Variants in PKIB observed in about 807,000 individuals in gnomAD.
The protein encoded by PKIB is PKI-beta.
In PKIB, 2 loss-of-function variants were observed where a neutral mutation model predicts 4.5. The observed-to-expected ratio is 0.44, with a 90% CI of 0.18 to 1.39. The LOEUF (loss-of-function observed/expected upper bound fraction) is 1.39, where lower values mean the gene tolerates loss of function less well. PKIB is among the 40% of genes most tolerant of loss of function. The probability of loss-of-function intolerance (pLI) is 0.27; values close to 1 mark genes in which losing one functional copy is unlikely to be tolerated. For synonymous variants in PKIB, 38 were observed against 36.0 expected (o/e 1.06, Z -0.20); for missense variants, 94 against 92.6 (o/e 1.02, Z -0.06).
At chr6:122,491,316 G>A (rs1325026518) in intron 2 of PKIB, among the ~76,000 whole-genome samples, 1 of 152,146 alleles carries the variant, frequency 6.6e-6, no homozygotes. Flanking sequence ...GCTTCTGGAA[G>A]GTCATATACC....
At chr6:122,710,085 T>C (rs1000329785) in intron 3 of PKIB, among the ~76,000 whole-genome samples, 1 of 152,170 alleles carries the variant, frequency 6.6e-6, no homozygotes, top group African/African-American at 2.4e-5. Context: ...TCATAATCGA[T>C]AGGTATCAGC....
At chr6:122,686,609 C>A (rs6569268) in intron 3 of PKIB, among the ~76,000 whole-genome samples, 37,470 of 151,704 alleles carry the variant, frequency 0.25, 5,105 homozygotes, top group East Asian at 0.43. Flanking sequence ...GCAGTCCCCC[C>A]ACCTCGCCTC....
chr6:122,674,696 C>G (rs534482763), intron 2 of PKIB, among the ~76,000 whole-genome samples: 4 of 152,004 alleles, frequency 2.6e-5, no homozygotes, highest in Admixed American at 6.6e-5. Flanking sequence ...TACAAACTTC[C>G]AAAGGTGGTA....
chr6:122,475,058 T>C (rs941494085), intron 1 of PKIB, among the ~76,000 whole-genome samples: 15 of 152,162 alleles, frequency 9.9e-5, no homozygotes, highest in Non-Finnish European at 1.9e-4. Context: ...TTTTGAGACG[T>C]AGGCTTGCTC....
intron 1 of PKIB, among the ~76,000 whole-genome samples, chr6:122,615,528 G>A (rs1291464263): frequency 7.9e-5 from 12 of 152,102 alleles, no homozygotes; most frequent in Non-Finnish European, 1.6e-4. Flanking sequence ...AGAATGGGGC[G>A]ACTTCATGGG....
At chr6:122,616,931 A>G (rs1380296152) in intron 1 of PKIB, among the ~76,000 whole-genome samples, 3 of 152,170 alleles carry the variant, frequency 2.0e-5, no homozygotes, top group Non-Finnish European at 4.4e-5. Context: ...TATCTATTCA[A>G]AGTCATTTAA....
chr6:122,480,144 G>A (rs1775568355), intron 2 of PKIB: 1 of 151,804 alleles, frequency 6.6e-6, no homozygotes, highest in Admixed American at 6.6e-5. Flanking sequence ...ACAAGTTCAT[G>A]TCATTCTCCT....
At chr6:122,535,438 C>T (rs1430126732) in intron 2 of PKIB, among the ~76,000 whole-genome samples, 1 of 152,088 alleles carries the variant, frequency 6.6e-6, no homozygotes, top group Non-Finnish European at 1.5e-5. Context: ...TAAAATATGA[C>T]ACATTTGTCT....
chr6:122,574,092 A>T (rs1461022161), intron 2 of PKIB, among the ~76,000 whole-genome samples: 1 of 152,322 alleles, frequency 6.6e-6, no homozygotes, highest in East Asian at 1.9e-4. Context: ...AAATTAATGT[A>T]CACAAATCAG....
At chr6:122,574,408 A>G (rs551165748) in intron 2 of PKIB, among the ~76,000 whole-genome samples, 1 of 152,256 alleles carries the variant, frequency 6.6e-6, no homozygotes, top group African/African-American at 2.4e-5. Context: ...ACTAGAAAAA[A>G]CAATCCTAGA....
chr6:122,708,828 A>C (rs1161873427), intron 3 of PKIB, among the ~76,000 whole-genome samples: 2 of 151,980 alleles, frequency 1.3e-5, no homozygotes, highest in African/African-American at 4.8e-5. Flanking sequence ...GATACTGGCC[A>C]GTAGATATTG....
intron 3 of PKIB, chr6:122,586,251 A>G (rs963014599): frequency 3.3e-5 from 5 of 152,178 alleles, no homozygotes; most frequent in African/African-American, 9.6e-5. Context: ...GGATGGCATT[A>G]TCAAACTTAT....
At chr6:122,499,452 C>T (rs773190972) in intron 2 of PKIB, among the ~76,000 whole-genome samples, 2 of 152,040 alleles carry the variant, frequency 1.3e-5, no homozygotes, top group African/African-American at 4.8e-5. Flanking sequence ...GAATTAAAAA[C>T]AAAAACCATA....
chr6:122,550,885 C>G (rs1772655311), intron 2 of PKIB, among the ~76,000 whole-genome samples: 1 of 152,050 alleles, frequency 6.6e-6, no homozygotes. Flanking sequence ...TTGAAAATGT[C>G]TTTATTTTAC....
chr6:122,704,284 T>C (rs1046593162), intron 3 of PKIB, among the ~76,000 whole-genome samples: 59 of 152,148 alleles, frequency 3.9e-4, no homozygotes, highest in African/African-American at 1.3e-3. Context: ...ATTCAGATGT[T>C]AATCTTTTCT....
chr6:122,717,185 G>A (rs1240601046), intron 3 of PKIB, among the ~76,000 whole-genome samples: 2 of 123,322 alleles, frequency 1.6e-5, no homozygotes, highest in Non-Finnish European at 3.3e-5. Context: ...TCAACCTGAA[G>A]GTAAAAAAAC....
intron 2 of PKIB, among the ~76,000 whole-genome samples, chr6:122,542,062 G>A (rs1027172774): frequency 2.0e-5 from 3 of 151,626 alleles, no homozygotes; most frequent in East Asian, 1.9e-4. Context: ...CTCTGCGTTG[G>A]TTATTCTAGT....
chr6:122,602,098 G>A (rs931657709), intron 3 of PKIB, among the ~76,000 whole-genome samples: 13 of 151,832 alleles, frequency 8.6e-5, no homozygotes, highest in African/African-American at 3.1e-4. Flanking sequence ...TGGTTGTAAA[G>A]GAAGATATTT....
At chr6:122,618,680 G>GT (rs959487037) in intron 1 of PKIB, among the ~76,000 whole-genome samples, 1 of 151,942 alleles carries the variant, frequency 6.6e-6, no homozygotes, top group East Asian at 1.9e-4. Flanking sequence ...ATAAATTACA[G>GT]TTTTTTAATG....
Sources: gnomAD v4.1 joint callset for allele counts (sites outside exome capture counted in the v4.1 genomes callset) on GRCh38, gnomAD v4.1.1 for gene constraint, MANE v1.5 for transcripts, NCBI Gene and HGNC (gene_info 2026-07-23, HGNC 2026-07-21) for gene names.